LPAR5: variants seen among roughly 807,000 people sequenced by gnomAD.
The protein encoded by LPAR5 is G protein-coupled receptor 92.
For missense variants in LPAR5, 544 were observed against 521.8 expected, an observed-to-expected ratio of 1.04 and a Z score of -0.41; for synonymous variants, 271 against 261.6, an observed-to-expected ratio of 1.04 and a Z score of -0.35.
In LPAR5 at chr12:6,619,146, G is replaced by A. The variant is rs1948863694; in HGVS notation, c.*984C>T. 1 of 152,226 alleles carries A rather than the reference G, an allele frequency of 6.6e-6. No individual in the cohort carries two copies. The highest frequency in any genetic ancestry group is 1.5e-5 in the Non-Finnish European group (1 of 68,058). 9.4% of individuals were successfully genotyped at this position (152,226 alleles called of 1,614,324 possible). A position where few individuals can be genotyped will look rare whatever the true frequency, so the allele number is the denominator to read the frequency against. On this transcript the variant is annotated 3_prime_UTR_variant, in exon 2 of 2. Coordinates refer to ENST00000329858, the MANE Select transcript of LPAR5 (RefSeq NM_020400.6). The stretch of plus-strand genomic sequence containing the variant: ...TGCTCCCATGGCTAATGTAATGTGT[G>A]CATGTGTATTTATTTTAAAAATGTA...
At chr12:6,623,418 C>A (rs1237625635) in intron 1 of LPAR5, among the ~76,000 whole-genome samples, 1 of 151,864 alleles carries the variant, frequency 6.6e-6, no homozygotes, top group African/African-American at 2.4e-5. Context: ...CTTGTAATCC[C>A]AGCTCCTCAG....
In LPAR5 at chr12:6,628,854, A is replaced by T. The variant is rs1592301161; in HGVS notation, c.-217+7053T>A. On this transcript the variant is annotated intron_variant, in intron 1 of 1. Coordinates refer to ENST00000329858, the MANE Select transcript of LPAR5 (RefSeq NM_020400.6). ...TCCATGTTGGTCAGGCTGGTCTCGA[A>T]CTCCCAACCTCAGGTGATCTGCCCG... is the stretch of plus-strand genomic sequence containing the variant. 2.7e-5 allele frequency among the ~76,000 whole-genome samples: 4 copies of T among 150,616 alleles called. No homozygotes were observed. The East Asian group carries it at 7.9e-4, about 30-fold the overall frequency.
chr12:6,621,517 A>C, intron 1 of LPAR5, 53 bp from the exon 2 acceptor site: 3 of 352,596 alleles, frequency 8.5e-6, no homozygotes, highest in Non-Finnish European at 1.6e-5. Context: ...TGCACACACA[A>C]ATGTTTAGCT....
chr12:6,622,301 G>A (rs1274131018), intron 1 of LPAR5, among the ~76,000 whole-genome samples: 3 of 151,578 alleles, frequency 2.0e-5, no homozygotes, highest in African/African-American at 4.9e-5. Flanking sequence ...AGGGGCGGGC[G>A]CCTGTAATCC....
chr12:6,620,478 G>C lies in LPAR5; in HGVS notation c.771C>G (p.Tyr257Ter). The change falls in exon 2 of 2, where the codon TAC becomes TAG. Residue 257 changes from tyrosine (Y) to a stop codon, truncating the protein, a stop_gained. Transcript: ENST00000329858. LOFTEE classifies it low-confidence loss of function (END_TRUNC). This position sits in a 1 kb window ranked among gnomAD's most constrained non-coding sequence, Gnocchi z 6.8. Reference protein sequence around the residue: ...FVPYNSTLAVYGLLRSKLVAA... With the variant: ...FVPYNSTLAV ...CCACCAGCTTGCTCCGCAGCAGCCC[G>C]TAGACCGCCAGCGTGCTGTTGTAGG... is the stretch of plus-strand genomic sequence containing the variant. The C allele has an allele frequency of 6.3e-7, 1 of 1,588,328 alleles. No homozygotes were observed. The highest frequency in any genetic ancestry group is 8.6e-7 in the Non-Finnish European group (1 of 1,167,248).
chr12:6,631,640 G>C (rs1473185782), intron 1 of LPAR5: 1 of 152,342 alleles, frequency 6.6e-6, no homozygotes, highest in Non-Finnish European at 1.5e-5. Flanking sequence ...GCTGGGCACT[G>C]CTCTTTGCTG....
At chr12:6,629,579 C>T (rs1351737288) in intron 1 of LPAR5, among the ~76,000 whole-genome samples, 1 of 150,456 alleles carries the variant, frequency 6.6e-6, no homozygotes, top group Non-Finnish European at 1.5e-5. Context: ...GAGGCTGAGG[C>T]AGGAGAATCG....
intron 1 of LPAR5, among the ~76,000 whole-genome samples, chr12:6,630,433 C>CTTTTTTTTTTTTTTTTTTTTTTTTTTT (rs34529805): frequency 2.4e-5 from 1 of 41,754 alleles, no homozygotes; most frequent in Non-Finnish European, 4.4e-5. Context: ...CCCAGCCCAT[C>CTTTTTTTTTTTTTTTTTTTTTTTTTTT]TTTTTTTTTT....
At chr12:6,622,734 C>T (rs1243299557) in intron 1 of LPAR5, among the ~76,000 whole-genome samples, 1 of 151,764 alleles carries the variant, frequency 6.6e-6, no homozygotes, top group Non-Finnish European at 1.5e-5. Flanking sequence ...CAGAGCAAGA[C>T]TCTGTCTCAA....
Position 6,620,857 on chromosome 12 carries a change from T to G in LPAR5, c.392A>C (p.His131Pro). The G allele has an allele frequency of 2.6e-6, 4 of 1,565,552 alleles. No homozygotes were observed. The highest frequency in any genetic ancestry group is 3.5e-6 in the Non-Finnish European group (4 of 1,154,758). ...CCGCGCCACGCGGGGCCGCCGCAGG[T>G]GGCGCAGTCGCAGCGGGTGCACGAT... ...AAIVHPLRLR[H>P]LRRPRVARLL... Residue 131 changes from histidine (H) to proline (P), a missense_variant, in exon 2 of 2, where the codon CAC becomes CCC. Coordinates refer to ENST00000329858, the MANE Select transcript of LPAR5 (RefSeq NM_020400.6). This position sits in a 1 kb window ranked among gnomAD's most constrained non-coding sequence, Gnocchi z 6.8.
rs1452688967 is a variant in LPAR5, at chr12:6,620,327, G to A, written c.922C>T (p.Leu308=). 6.2e-7 allele frequency: 1 copy of A among 1,609,774 alleles called. No individual in the cohort carries two copies. Among genetic ancestry groups the A allele is most frequent in the Admixed American group, 1.7e-5 (1 of 59,466 alleles). ...YFSAEGFRNT[L]RGLGTPHRAR... ...CGGTGCGGAGTGCCCAGGCCGCGCA[G>A]GGTGTTGCGGAAGCCCTCGGCGCTA... Residue 308 remains leucine, a synonymous_variant, in exon 2 of 2, where the codon CTG becomes TTG. Transcript: ENST00000329858. The surrounding 1 kb of genome is among the most constrained non-coding windows in gnomAD (Gnocchi z 6.8).
intron 1 of LPAR5, among the ~76,000 whole-genome samples, chr12:6,626,185 C>T (rs1256357917): frequency 2.6e-5 from 4 of 152,146 alleles, no homozygotes; most frequent in Non-Finnish European, 4.4e-5. Flanking sequence ...TCAGGAGAAT[C>T]GCTTGAACCC....
intron 1 of LPAR5, among the ~76,000 whole-genome samples, chr12:6,625,945 C>T (rs978973784): frequency 2.0e-4 from 30 of 152,052 alleles, no homozygotes; most frequent in African/African-American, 6.3e-4. Context: ...GACCTACAGG[C>T]GTGTGCCACC....
At position 6,628,210 on chromosome 12, in the gene LPAR5, C is replaced by A. The variant is rs1490260564; in HGVS notation, c.-216-6746G>T. Among the ~76,000 whole-genome samples the A allele has an allele frequency of 2.6e-5, 4 of 151,758 alleles. No individual in the cohort carries two copies. The South Asian group carries it at 6.3e-4, about 24-fold the overall frequency. On this transcript the variant is annotated intron_variant, in intron 1 of 1. Transcript: ENST00000329858. ...CTAATTTTTTGTATTTTTAGTAGAG[C>A]TGGGGTTTCACTGTATTAGCCAGGA...
At chr12:6,622,694 G>A (rs1393295620) in intron 1 of LPAR5, among the ~76,000 whole-genome samples, 1 of 151,460 alleles carries the variant, frequency 6.6e-6, no homozygotes, top group Admixed American at 6.6e-5. Context: ...AGTGAGCCGA[G>A]ATCACACCAT....
intron 1 of LPAR5, among the ~76,000 whole-genome samples, chr12:6,626,675 C>A (rs1262608950): frequency 6.6e-6 from 1 of 152,148 alleles, no homozygotes; most frequent in South Asian, 2.1e-4. Flanking sequence ...TGTGGACATA[C>A]CTTATGTTTT....
At chr12:6,634,205 C>T (rs2136246178) in intron 1 of LPAR5, among the ~76,000 whole-genome samples, 1 of 151,826 alleles carries the variant, frequency 6.6e-6, no homozygotes, top group Middle Eastern at 3.4e-3. Flanking sequence ...GGGGGTTTCA[C>T]CATGTTGCCT....
At position 6,621,283 on chromosome 12, in the gene LPAR5, T is replaced by A; in HGVS notation, c.-35A>T. ...GTGGGATTGGGAGCTAGGCTGGGGA[T>A]GCCATGGAGCACACCAGAATCATGG... On this transcript the variant is annotated 5_prime_UTR_variant, in exon 2 of 2. Coordinates refer to ENST00000329858, the MANE Select transcript of LPAR5 (RefSeq NM_020400.6). 2 of 1,477,334 alleles carry A rather than the reference T, an allele frequency of 1.4e-6. No individual in the cohort carries two copies. The highest frequency in any genetic ancestry group is 2.8e-5 in the African/African-American group (2 of 70,410). 91.5% of individuals were successfully genotyped at this position (1,477,334 alleles called of 1,614,324 possible).
intron 1 of LPAR5, among the ~76,000 whole-genome samples, chr12:6,623,272 G>GGTA (rs1366261089): frequency 4.0e-5 from 6 of 150,988 alleles, no homozygotes; most frequent in Non-Finnish European, 8.8e-5. Flanking sequence ...GGTACCTCAT[G>GGTA]CCTGTGATCT....
Sources: allele counts gnomAD v4.1 joint callset (sites outside exome capture counted in the v4.1 genomes callset), GRCh38; gene constraint gnomAD v4.1.1; non-coding constraint Gnocchi (gnomAD v3.1); transcripts MANE v1.5; gene names NCBI Gene and HGNC (gene_info 2026-07-23, HGNC 2026-07-21).